PARG: variants seen among roughly 807,000 people sequenced by gnomAD.
PARG encodes mitochondrial poly(ADP-ribose) glycohydrolase.
In PARG, 35 loss-of-function variants were observed where a neutral mutation model predicts 113.0. The observed-to-expected ratio is 0.31, with a 90% CI of 0.24 to 0.41. The LOEUF (loss-of-function observed/expected upper bound fraction) is 0.41. PARG is among the 10% of genes least tolerant of loss of function. PARG has a pLI of 1.00. For missense variants in PARG, 797 were observed against 1,169.4 expected (o/e 0.68, Z 4.64); for synonymous variants, 330 against 409.9 (o/e 0.81, Z 2.36).
At chr10:49,886,893 T>G (rs184824429) in intron 7 of PARG, among the ~76,000 whole-genome samples, 692 of 152,264 alleles carry the variant, frequency 4.5e-3, no homozygotes, top group East Asian at 0.018. Flanking sequence ...AAAAACTAAA[T>G]TTTTAAAAAA....
chr10:49,894,502 T>C (rs1480689888), intron 7 of PARG, among the ~76,000 whole-genome samples: 1 of 152,198 alleles, frequency 6.6e-6, no homozygotes, highest in Non-Finnish European at 1.5e-5. Flanking sequence ...CTCTAGAAGC[T>C]TTATAGTTTT....
chr10:49,847,092 A>C (rs187832057), intron 13 of PARG, among the ~76,000 whole-genome samples: 112 of 151,310 alleles, frequency 7.4e-4, no homozygotes, highest in African/African-American at 2.5e-3. Context: ...CTATACTTGC[A>C]TATATATTAA....
chr10:49,831,183 G>T (rs1211561797), intron 16 of PARG, among the ~76,000 whole-genome samples: 1 of 151,946 alleles, frequency 6.6e-6, no homozygotes, highest in African/African-American at 2.4e-5. Context: ...TGCTGACAGT[G>T]AATTCTAGTG....
At chr10:49,919,099 C>A (rs536451122) in intron 6 of PARG, among the ~76,000 whole-genome samples, 1 of 152,164 alleles carries the variant, frequency 6.6e-6, no homozygotes, top group South Asian at 2.1e-4. Flanking sequence ...CACCACCGTG[C>A]CCGGCTAATT....
rs193010558 is a variant in PARG at position 49,894,605 on chromosome 10, G to A, written c.1738-9310C>T. Among the ~76,000 whole-genome samples, 1,006 of 151,980 alleles carry A rather than the reference G, an allele frequency of 6.6e-3. 10 individuals carry two copies. The highest frequency in any genetic ancestry group is 0.022 in the African/African-American group (932 of 41,452). On this transcript the variant is annotated intron_variant, in intron 7 of 17. Transcript: ENST00000616448. ...TAAGCCCACATGGAAATCCAGTTTC[G>A]CCAACACCATTTGTTGAAAAGACAC... is the stretch of plus-strand genomic sequence containing the variant.
At chr10:49,934,828 A>G (rs1838671128) in intron 2 of PARG, among the ~76,000 whole-genome samples, 1 of 151,860 alleles carries the variant, frequency 6.6e-6, no homozygotes, top group Non-Finnish European at 1.5e-5. Flanking sequence ...CAGCCTGGGC[A>G]ACAGAGTGAG....
chr10:49,879,584 T>C (rs1847116706), intron 9 of PARG, 89 bp downstream of exon 9: 3 of 839,706 alleles, frequency 3.6e-6, no homozygotes, highest in Non-Finnish European at 5.6e-6. Context: ...TATAAAATGC[T>C]TGGCCTATGG....
intron 1 of PARG, among the ~76,000 whole-genome samples, chr10:49,940,037 G>A (rs1417961191): frequency 7.2e-5 from 11 of 152,288 alleles, no homozygotes; most frequent in Admixed American, 2.0e-4. Context: ...ATCTGCCCTA[G>A]GTCACCTTTA....
chr10:49,934,133 T>G lies in PARG; in HGVS notation c.315A>C (p.Arg105Ser). 9.0e-7 allele frequency: 1 copy of G among 1,114,504 alleles called. No individual in the cohort carries two copies. Among genetic ancestry groups the G allele is most frequent in the Non-Finnish European group, 1.4e-6 (1 of 724,142 alleles). The allele number at this position is 1,114,504 out of a possible 1,614,324, so 69.0% of individuals were successfully genotyped here. A position where few individuals can be genotyped will look rare whatever the true frequency, so the allele number is the denominator to read the frequency against. The change falls in exon 3 of 18, where the codon AGA (arginine) becomes AGC (serine). Residue 105 changes from arginine (R) to serine (S), a missense_variant. Arg to Ser is a moderately radical substitution (Grantham distance 110). Transcript: ENST00000616448. ...GTACAGAACTCATCATGGATTCTAT[T>G]CTTGTATTGTTGTTTTCTTTACTAT... ...SLDSKENNNTRIESMMSSVQK... is the reference protein window; with the variant it reads ...SLDSKENNNTSIESMMSSVQK...
rs1554832758 is a variant in PARG at position 49,843,571 on chromosome 10, G to A, written c.2415C>T (p.His805=). 11 of 1,549,966 alleles carry A rather than the reference G, an allele frequency of 7.1e-6. No homozygotes were observed. Among genetic ancestry groups the A allele is most frequent in the East Asian group, 4.9e-5 (2 of 40,898 alleles). Residue 805 remains histidine, a synonymous_variant, in exon 14 of 18, where the codon CAC becomes CAT. Coordinates refer to ENST00000616448, the MANE Select transcript of PARG (RefSeq NM_003631.5). ...YAETYRWSRS[H]EDGSERDDWQ... ...AGACTCACCTTTCACTCCCATCTTC[G>A]TGGCTCCGGGACCAACGATATGTCT...
intron 15 of PARG, among the ~76,000 whole-genome samples, chr10:49,838,317 G>A (rs1368790652): frequency 1.3e-5 from 2 of 150,956 alleles, no homozygotes; most frequent in East Asian, 2.0e-4. Context: ...TGTAATCCCA[G>A]CTACTCAGGA....
chr10:49,907,302 TGTA>T (rs1564647704), intron 7 of PARG, among the ~76,000 whole-genome samples: 1 of 152,210 alleles, frequency 6.6e-6, no homozygotes, highest in Non-Finnish European at 1.5e-5. Context: ...GACAGACTCT[TGTA>T]GTAAATCATT....
At chr10:49,938,825 C>T (rs1164378945) in intron 1 of PARG, among the ~76,000 whole-genome samples, 1 of 152,024 alleles carries the variant, frequency 6.6e-6, no homozygotes, top group Non-Finnish European at 1.5e-5. Flanking sequence ...GCTACCCCGC[C>T]TACTTGTCCT....
At position 49,885,248 on chromosome 10, in the gene PARG, A is replaced by G. The variant is rs560912191; in HGVS notation, c.1785T>C (p.Pro595=). The change falls in exon 8 of 18, where the codon CCT becomes CCC. Residue 595 remains proline (P), a synonymous_variant. Transcript: ENST00000616448. Reference sequence around the variant, plus strand: ...GACAGAGTGCAATTTTCACCATATCAGGCAAGATGGACTGATATAAATGTT... The same window carrying G: ...GACAGAGTGCAATTTTCACCATATCGGGCAAGATGGACTGATATAAATGTT... ...EAQHLYQSIL[P]DMVKIALCLP... The G allele has an allele frequency of 5.8e-5, 94 of 1,609,424 alleles. No individual in the cohort carries two copies. The Admixed American group carries it at 6.7e-4, about 11-fold the overall frequency.
chr10:49,877,196 T>C (rs2664608), intron 9 of PARG, among the ~76,000 whole-genome samples: 2 of 148,138 alleles, frequency 1.4e-5, no homozygotes, highest in Non-Finnish European at 3.0e-5. Flanking sequence ...ATAAATGCAC[T>C]GAAATGTCTA....
intron 13 of PARG, among the ~76,000 whole-genome samples, chr10:49,854,751 C>A (rs1388512035): frequency 7.0e-6 from 1 of 142,720 alleles, no homozygotes; most frequent in East Asian, 2.0e-4. Flanking sequence ...GAAATCTGTT[C>A]AAGCATTAGC....
rs1837235218 is a variant in PARG at position 49,912,326 on chromosome 10, A to C, written c.1737+3591T>G. Among the ~76,000 whole-genome samples, 2 of 152,054 alleles carry C rather than the reference A, an allele frequency of 1.3e-5. 1 individual carries two copies. The highest frequency in any genetic ancestry group is 3.9e-4 in the East Asian group (2 of 5,176). On this transcript the variant is annotated intron_variant, in intron 7 of 17. Coordinates refer to ENST00000616448, the MANE Select transcript of PARG (RefSeq NM_003631.5). Reference sequence around the variant, plus strand: ...AAACAACAAAAAATTAGAAAATAAAAATTGAAAATATTGCGAAACCCTGCT... The same window carrying C: ...AAACAACAAAAAATTAGAAAATAAACATTGAAAATATTGCGAAACCCTGCT...
At chr10:49,938,324 T>C (rs1838845174) in intron 1 of PARG, among the ~76,000 whole-genome samples, 1 of 152,212 alleles carries the variant, frequency 6.6e-6, no homozygotes, top group Non-Finnish European at 1.5e-5. Context: ...CAGTCTTTTT[T>C]TTTTCCACTG....
At chr10:49,883,218 T>G (rs2132641522) in intron 8 of PARG, among the ~76,000 whole-genome samples, 1 of 152,346 alleles carries the variant, frequency 6.6e-6, no homozygotes, top group South Asian at 2.1e-4. Flanking sequence ...GTTGCCCCAG[T>G]GACCCTATTT....
Sources: gnomAD v4.1 joint callset for allele counts (sites outside exome capture counted in the v4.1 genomes callset) on GRCh38, gnomAD v4.1.1 for gene constraint, MANE v1.5 for transcripts, NCBI Gene and HGNC (gene_info 2026-07-23, HGNC 2026-07-21) for gene names.